CUX1: variants seen among roughly 807,000 people sequenced by gnomAD.
CUX1 encodes cut like homeobox 1.
In CUX1, 31 loss-of-function variants were observed where a neutral mutation model predicts 158.8. The ratio of observed to expected loss-of-function variants is 0.20; its 90% confidence interval spans 0.15 to 0.26. The LOEUF is 0.26. Ranked by LOEUF, CUX1 falls within the 10% of genes least tolerant of loss-of-function variation. The probability of loss-of-function intolerance (pLI) is 1.00; values close to 1 mark genes in which losing one functional copy is unlikely to be tolerated. For missense variants in CUX1, 1,589 were observed against 2,014.6 expected (o/e 0.79, Z 4.04); for synonymous variants, 879 against 862.1 (o/e 1.02, Z -0.34).
At chr7:101,966,484 T>C (rs186579953) in intron 2 of CUX1, among the ~76,000 whole-genome samples, 1 of 152,286 alleles carries the variant, frequency 6.6e-6, no homozygotes, top group Non-Finnish European at 1.5e-5. Context: ...TGTTACTGTT[T>C]GCTTGATGTG....
intron 3 of CUX1, among the ~76,000 whole-genome samples, chr7:102,068,732 G>A (rs1435712963): frequency 6.6e-6 from 1 of 152,180 alleles, no homozygotes; most frequent in Non-Finnish European, 1.5e-5. Flanking sequence ...CATAGTTCTA[G>A]GAGGGGACAG....
At chr7:102,057,145 C>T (rs1395340925) in intron 3 of CUX1, among the ~76,000 whole-genome samples, 2 of 152,104 alleles carry the variant, frequency 1.3e-5, no homozygotes, top group Admixed American at 6.6e-5. Context: ...TCGTGATCCG[C>T]CCGCCGCAGC....
At chr7:102,116,207 T>G (rs1244535688) in intron 8 of CUX1, among the ~76,000 whole-genome samples, 1 of 152,166 alleles carries the variant, frequency 6.6e-6, no homozygotes, top group Non-Finnish European at 1.5e-5. Context: ...CACGTGACCT[T>G]GGGCTTTGAG....
chr7:102,149,774 T>A (rs1835435178), intron 8 of CUX1, among the ~76,000 whole-genome samples: 1 of 152,190 alleles, frequency 6.6e-6, no homozygotes, highest in African/African-American at 2.4e-5. Flanking sequence ...CCCAACTCTT[T>A]GACCCCCCGA....
intron 2 of CUX1, among the ~76,000 whole-genome samples, chr7:101,948,888 C>G (rs1808706913): frequency 6.6e-6 from 1 of 152,222 alleles, no homozygotes; most frequent in Non-Finnish European, 1.5e-5. Context: ...TGCCAGGCCA[C>G]TGTGCCCCTG....
chr7:101,930,390 C>T (rs1009792929), intron 2 of CUX1, among the ~76,000 whole-genome samples: 7 of 152,194 alleles, frequency 4.6e-5, no homozygotes, highest in Admixed American at 4.6e-4. Context: ...AAAATCTCCC[C>T]TTCCACTTTG....
At chr7:102,166,922 G>C (rs1206975564) in intron 9 of CUX1, among the ~76,000 whole-genome samples, 3 of 152,174 alleles carry the variant, frequency 2.0e-5, no homozygotes, top group African/African-American at 7.2e-5. Context: ...GGGCCACAGA[G>C]AGACTGTCCG....
rs180763928 is a variant in CUX1, at chr7:102,202,282, G to A, written c.2907+78G>A. Reference sequence around the variant, plus strand: ...GGACCAAGTATCTATCCCGCAGCCTGTGACCCTCACCCATTTCAATTCACC... The same window carrying A: ...GGACCAAGTATCTATCCCGCAGCCTATGACCCTCACCCATTTCAATTCACC... On this transcript the variant is annotated intron_variant, in intron 18 of 23. Coordinates refer to ENST00000292535, the MANE Select transcript of CUX1 (RefSeq NM_181552.4). 826 of 1,514,196 alleles carry A rather than the reference G, an allele frequency of 5.5e-4. 5 individuals carry two copies. The African/African-American group carries it at 0.01, about 19-fold the overall frequency. The allele number at this position is 1,514,196 out of a possible 1,614,324, so 93.8% of individuals were successfully genotyped here.
exon 23 of CUX1, chr7:102,283,889 G>C (rs1485797117): frequency 6.6e-6 from 1 of 152,296 alleles, no homozygotes; most frequent in Non-Finnish European, 1.5e-5. Context: ...CCACTGGCAG[G>C]CCTTCCTGAG....
intron 8 of CUX1, chr7:102,153,891 C>T (rs1295061301): frequency 3.9e-5 from 6 of 152,344 alleles, no homozygotes; most frequent in Non-Finnish European, 7.3e-5. Flanking sequence ...CACAAAGGCA[C>T]TCAGGGAAAC....
chr7:102,219,817 T>G (rs1232907390), intron 20 of CUX1, among the ~76,000 whole-genome samples: 1 of 152,204 alleles, frequency 6.6e-6, no homozygotes, highest in African/African-American at 2.4e-5. Flanking sequence ...CCAGTCTTAC[T>G]CAAAAGAAGA....
intron 2 of CUX1, among the ~76,000 whole-genome samples, chr7:101,973,015 A>G (rs1320924174): frequency 2.6e-5 from 4 of 152,184 alleles, no homozygotes; most frequent in Non-Finnish European, 5.9e-5. Flanking sequence ...GATTCTAAAA[A>G]TGACACTCGG....
At chr7:102,214,420 A>G (rs1796848319) in intron 20 of CUX1, among the ~76,000 whole-genome samples, 1 of 152,220 alleles carries the variant, frequency 6.6e-6, no homozygotes, top group East Asian at 1.9e-4. Flanking sequence ...GCTACTCAGG[A>G]GGCTGAGGCA....
chr7:102,185,081 C>T (rs577867137), intron 11 of CUX1, among the ~76,000 whole-genome samples: 43 of 152,266 alleles, frequency 2.8e-4, no homozygotes, highest in African/African-American at 7.7e-4. Flanking sequence ...TACAGAATAG[C>T]GGGGACCCTG....
rs568243993 is a variant in CUX1, at chr7:101,894,310, G to T, written c.31-21805G>T. Reference sequence around the variant, plus strand: ...ACTGAATTATGGTGCAGTTTTTTTGGTTTTTTGTTTGTTTGTTTTTTGAGA... The same window carrying T: ...ACTGAATTATGGTGCAGTTTTTTTGTTTTTTTGTTTGTTTGTTTTTTGAGA... On this transcript the variant is annotated intron_variant, in intron 1 of 23. Coordinates refer to ENST00000292535, the MANE Select transcript of CUX1 (RefSeq NM_181552.4). 1.4e-4 allele frequency among the ~76,000 whole-genome samples: 21 copies of T among 152,268 alleles called. No homozygotes were observed. In the East Asian group the frequency reaches 3.3e-3, roughly 24 times the overall value.
chr7:101,982,299 G>A (rs1813541924), intron 2 of CUX1, among the ~76,000 whole-genome samples: 1 of 152,248 alleles, frequency 6.6e-6, no homozygotes, highest in Admixed American at 6.5e-5. Flanking sequence ...TTATGAGCTG[G>A]TAGGGAAGGC....
intron 3 of CUX1, among the ~76,000 whole-genome samples, chr7:102,049,419 G>A (rs1053769850): frequency 2.0e-5 from 3 of 152,182 alleles, no homozygotes; most frequent in African/African-American, 7.2e-5. Flanking sequence ...CTGAAACTTG[G>A]ACTCTGATGT....
chr7:102,131,262 G>A (rs1554497087), intron 8 of CUX1, among the ~76,000 whole-genome samples: 1 of 152,106 alleles, frequency 6.6e-6, no homozygotes, highest in African/African-American at 2.4e-5. Flanking sequence ...GTGTTAAGTG[G>A]CTAATTCTTT....
intron 1 of CUX1, among the ~76,000 whole-genome samples, chr7:101,852,294 A>T (rs1468039663): frequency 1.3e-5 from 2 of 152,022 alleles, no homozygotes; most frequent in Non-Finnish European, 2.9e-5. Context: ...ATCATCTTTT[A>T]TATTCCTGGC....
Sources: gnomAD v4.1 joint callset for allele counts (sites outside exome capture counted in the v4.1 genomes callset) on GRCh38, gnomAD v4.1.1 for gene constraint, MANE v1.5 for transcripts, NCBI Gene and HGNC (gene_info 2026-07-23, HGNC 2026-07-21) for gene names.